The following USF2 variants were observed in gnomAD, a reference collection of about 807,000 sequenced individuals.
The protein encoded by USF2 is upstream transcription factor 2, c-fos interacting.
USF2 carries 16 observed loss-of-function variants against 46.9 expected under a neutral mutation model. That is an observed-to-expected ratio of 0.34 (90% CI 0.23 to 0.52). The LOEUF (loss-of-function observed/expected upper bound fraction) is 0.52. Among genes scored for constraint, USF2 ranks in the 20% least tolerant of loss-of-function variants. The pLI is 0.96. For missense variants in USF2, 411 were observed against 474.0 expected (o/e 0.87, Z 1.23); for synonymous variants, 239 against 194.1 (o/e 1.23, Z -1.92).
chr19:35,270,376 G>C, intron 4 of USF2, 71 bp from the exon 5 acceptor site: 1 of 1,559,868 alleles, frequency 6.4e-7, no homozygotes, highest in Non-Finnish European at 8.7e-7. Flanking sequence ...TAAACCCCAA[G>C]CACAGCAATG....
In USF2 at chr19:35,269,718, G is replaced by A; in HGVS notation, c.228+19G>A. 3 of 1,339,638 alleles carry A rather than the reference G, an allele frequency of 2.2e-6. No individual in the cohort carries two copies. Among genetic ancestry groups the A allele is most frequent in the South Asian group, 1.5e-5 (1 of 64,886 alleles). The allele number at this position is 1,339,638 out of a possible 1,614,324, so 83.0% of individuals were successfully genotyped here. On this transcript the variant is annotated intron_variant, in intron 3 of 9. Transcript: ENST00000222305. ...AGGACAGGTGAGCGGCGGGCCGCGA[G>A]GGCGAACGGGCGGGCGGGCGGGCGC...
rs1176760655 is a variant in USF2, at chr19:35,269,130, C to T, written c.29C>T (p.Pro10Leu). 4.6e-6 allele frequency: 4 copies of T among 869,974 alleles called. No individual in the cohort carries two copies. Among genetic ancestry groups the T allele is most frequent in the Non-Finnish European group, 5.6e-6 (4 of 715,340 alleles). 53.9% of individuals were successfully genotyped at this position (869,974 alleles called of 1,614,324 possible). A position where few individuals can be genotyped will look rare whatever the true frequency, so the allele number is the denominator to read the frequency against. ...GACATGCTGGACCCGGGTCTGGATC[C>T]CGCTGCCTCGGCCACCGCTGCTGCC... MDMLDPGLDPAASATAAAAA... is the reference protein window; with the variant it reads MDMLDPGLDLAASATAAAAA... Residue 10 changes from proline to leucine, a missense_variant, in exon 1 of 10, where the codon CCC (proline) becomes CTC (leucine). This residue lies in a region of USF2 where 318 missense variants were observed against 322.4 expected (regional missense o/e 0.99). Coordinates refer to ENST00000222305, the MANE Select transcript of USF2 (RefSeq NM_003367.4).
rs774830997 is a variant in USF2, at chr19:35,269,871, C to T, written c.297C>T (p.Val99=). The T allele has an allele frequency of 1.4e-6, 2 of 1,421,256 alleles. No homozygotes were observed. Among genetic ancestry groups the T allele is most frequent in the South Asian group, 3.1e-5 (2 of 64,760 alleles). 88.0% of individuals were successfully genotyped at this position (1,421,256 alleles called of 1,614,324 possible). Residue 99 remains valine, a synonymous_variant, in exon 4 of 10, where the codon GTC becomes GTT. Transcript: ENST00000222305. ...LDGQGDTAGA[V]SVVSTAAFAG... ...GCCAGGGCGACACAGCTGGCGCCGT[C>T]AGCGTCGTGTCCACCGCTGCCTTCG...
At position 35,269,566 on chromosome 19, in the gene USF2, C is replaced by T. The variant is rs765684881; in HGVS notation, c.110-15C>T. On this transcript the variant is annotated splice_polypyrimidine_tract_variant and intron_variant, in intron 2 of 9. Transcript: ENST00000222305. ...GGCGCGGCCCTGACCGTGCCCCGAC[C>T]CTCCTCGGCCCCAGGCGGGGACGGC... 6.4e-7 allele frequency: 1 copy of T among 1,572,460 alleles called. No individual in the cohort carries two copies. The highest frequency in any genetic ancestry group is 8.6e-7 in the Non-Finnish European group (1 of 1,160,872).
In USF2 at chr19:35,271,250, A is replaced by G. The variant is rs559326454; in HGVS notation, c.727+109A>G. Reference sequence around the variant, plus strand: ...AGAAGCCACTCCTGGGCAGGCCACAAGTGCTCCAGAGGGCTTTGCTGGACG... The same window carrying G: ...AGAAGCCACTCCTGGGCAGGCCACAGGTGCTCCAGAGGGCTTTGCTGGACG... On this transcript the variant is annotated intron_variant, in intron 7 of 9. Transcript: ENST00000222305. 1.5e-5 allele frequency: 19 copies of G among 1,303,722 alleles called. No homozygotes were observed. The Admixed American group carries it at 3.0e-4, about 21-fold the overall frequency. 80.8% of individuals were successfully genotyped at this position (1,303,722 alleles called of 1,614,324 possible). A position where few individuals can be genotyped will look rare whatever the true frequency, so the allele number is the denominator to read the frequency against.
chr19:35,270,199 C>A, intron 4 of USF2, 196 bp downstream of exon 4: 1 of 883,794 alleles, frequency 1.1e-6, no homozygotes, highest in Non-Finnish European at 1.6e-6. Flanking sequence ...TTTTTTCCCG[C>A]AAAATGGGAA....
In USF2 at chr19:35,269,119, G is replaced by A. The variant is rs1226638440; in HGVS notation, c.18G>A (p.Pro6=). 15 of 432,840 alleles carry A rather than the reference G, an allele frequency of 3.5e-5. No homozygotes were observed. Among genetic ancestry groups the A allele is most frequent in the South Asian group, 6.2e-5 (1 of 16,258 alleles). The allele number at this position is 432,840 out of a possible 1,614,324, so 26.8% of individuals were successfully genotyped here. Residue 6 remains proline (P), a synonymous_variant, in exon 1 of 10, where the codon CCG becomes CCA. Coordinates refer to ENST00000222305, the MANE Select transcript of USF2 (RefSeq NM_003367.4). MDMLD[P]GLDPAASATA... Reference sequence around the variant, plus strand: ...CCCCCCCCATGGACATGCTGGACCCGGGTCTGGATCCCGCTGCCTCGGCCA... The same window carrying A: ...CCCCCCCCATGGACATGCTGGACCCAGGTCTGGATCCCGCTGCCTCGGCCA...
chr19:35,271,279 T>A, intron 7 of USF2, 138 bp downstream of exon 7: 1 of 968,572 alleles, frequency 1.0e-6, no homozygotes, highest in Non-Finnish European at 1.6e-6. Flanking sequence ...CTGGACGCTG[T>A]AAAGGTAGAA....
At chr19:35,272,138 TC>T (rs1267845920) in intron 7 of USF2, among the ~76,000 whole-genome samples, 3 of 152,124 alleles carry the variant, frequency 2.0e-5, no homozygotes, top group Non-Finnish European at 4.4e-5. Context: ...GTTCAGGCGT[TC>T]ATTCAGCGCG....
At chr19:35,279,134 C>G in intron 9 of USF2, 33 bp from the exon 10 acceptor site, 1 of 1,612,108 alleles carries the variant, frequency 6.2e-7, no homozygotes, top group South Asian at 1.1e-5. Context: ...GGCGCTGGCC[C>G]TCAGCTCCCT....
At chr19:35,272,547 G>A (rs1423620843) in intron 7 of USF2, among the ~76,000 whole-genome samples, 4 of 152,276 alleles carry the variant, frequency 2.6e-5, no homozygotes, top group Admixed American at 2.0e-4. Context: ...TTGGCGCAGT[G>A]GAGGGGGCTG....
In USF2 at chr19:35,269,054, C is replaced by G. The variant is rs1377063937; in HGVS notation, c.-48C>G. 2 of 111,666 alleles carry G rather than the reference C, an allele frequency of 1.8e-5. No homozygotes were observed. Among genetic ancestry groups the G allele is most frequent in the African/African-American group, 6.5e-5 (2 of 30,870 alleles). 6.9% of individuals were successfully genotyped at this position (111,666 alleles called of 1,614,324 possible). A position where few individuals can be genotyped will look rare whatever the true frequency, so the allele number is the denominator to read the frequency against. ...CCCCTCCCCTCCCTCCCTCCCCTCC[C>G]CTCCCCTCCCCCCCGGGCCCCGCGC... On this transcript the variant is annotated 5_prime_UTR_variant, in exon 1 of 10. Transcript: ENST00000222305.
In USF2 at chr19:35,279,339, C is replaced by T. The variant is rs1568463322; in HGVS notation, c.*83C>T. 1.5e-6 allele frequency: 2 copies of T among 1,310,918 alleles called. No homozygotes were observed. Among genetic ancestry groups the T allele is most frequent in the East Asian group, 2.9e-5 (1 of 34,992 alleles). 81.2% of individuals were successfully genotyped at this position (1,310,918 alleles called of 1,614,324 possible). On this transcript the variant is annotated 3_prime_UTR_variant, in exon 10 of 10. Coordinates refer to ENST00000222305, the MANE Select transcript of USF2 (RefSeq NM_003367.4). Reference sequence around the variant, plus strand: ...CCAGCCCTTAGCACAGAGAGGGACACATGCCCCTCCCCCAGCTGCGTTTTT... The same window carrying T: ...CCAGCCCTTAGCACAGAGAGGGACATATGCCCCTCCCCCAGCTGCGTTTTT...
Position 35,269,490 on chromosome 19 carries a change from A to G in USF2, c.107A>G (p.Glu36Gly). Reference protein sequence around the residue: ...PEAEEGVELQEGGDGPGAEEQ... With the variant: ...PEAEEGVELQGGGDGPGAEEQ... ...GCGGAGGAGGGCGTCGAGCTGCAGG[A>G]AGGTGAGTGCTTGCCGGGCCGGCCG... Residue 36 changes from glutamate to glycine, a missense_variant and splice_region_variant, in exon 2 of 10, where the codon GAA becomes GGA. By Grantham distance (98) the Glu-to-Gly change is moderately conservative. Around this residue, in one of 2 missense-constraint regions of USF2, gnomAD observed 318 missense variants for 322.4 expected, o/e 0.99. Transcript: ENST00000222305. 6.4e-7 allele frequency: 1 copy of G among 1,553,680 alleles called. No homozygotes were observed. The highest frequency in any genetic ancestry group is 8.6e-7 in the Non-Finnish European group (1 of 1,156,258).
chr19:35,269,528 G>T, intron 2 of USF2, 36 bp downstream of exon 2: 1 of 1,549,940 alleles, frequency 6.5e-7, no homozygotes, highest in Non-Finnish European at 8.7e-7. Flanking sequence ...CCCGGGGAGG[G>T]CTGGGGGCGC....
chr19:35,271,058 C>G (rs1224219903), intron 6 of USF2, 25 bp from the exon 7 acceptor site: 1 of 1,613,596 alleles, frequency 6.2e-7, no homozygotes, highest in African/African-American at 1.3e-5. Context: ...AATACATGCC[C>G]CCTTTTTTTT....
In USF2 at chr19:35,269,593, C is replaced by G; in HGVS notation, c.122C>G (p.Pro41Arg). 1 of 1,592,364 alleles carries G rather than the reference C, an allele frequency of 6.3e-7. No homozygotes were observed. The highest frequency in any genetic ancestry group is 8.5e-7 in the Non-Finnish European group (1 of 1,171,026). The change falls in exon 3 of 10, where the codon CCA becomes CGA. Residue 41 changes from proline to arginine, a missense_variant. Pro to Arg is a moderately radical substitution (Grantham distance 103, BLOSUM62 -2). This residue lies in a region of USF2 where 318 missense variants were observed against 322.4 expected (regional missense o/e 0.99). Transcript: ENST00000222305. ...TCCTCGGCCCCAGGCGGGGACGGCCCAGGAGCGGAGGAGCAGACAGCGGTG... is the reference window on the plus strand; with the variant it reads ...TCCTCGGCCCCAGGCGGGGACGGCCGAGGAGCGGAGGAGCAGACAGCGGTG... ...GVELQEGGDG[P>R]GAEEQTAVAI...
intron 7 of USF2, among the ~76,000 whole-genome samples, chr19:35,276,605 C>T (rs1176483958): frequency 6.6e-6 from 1 of 152,208 alleles, no homozygotes; most frequent in Admixed American, 6.5e-5. Context: ...CCGATCTTTA[C>T]AACCTTTTCC....
Position 35,279,595 on chromosome 19 carries a change from GAGAC to G in USF2, c.*342_*345del. ...CTGCCTCCTGCTCTCTGGAGGTACTGAGACAGGGTGCTGATGGGAAGGAGGGGAG... is the reference window on the plus strand; with the variant it reads ...CTGCCTCCTGCTCTCTGGAGGTACTGAGGGTGCTGATGGGAAGGAGGGGAG... On this transcript the variant is annotated 3_prime_UTR_variant, in exon 10 of 10. Transcript: ENST00000222305. 1 of 289,102 alleles carries G rather than the reference GAGAC, an allele frequency of 3.5e-6. No homozygotes were observed. Among genetic ancestry groups the G allele is most frequent in the Non-Finnish European group, 6.4e-6 (1 of 156,598 alleles). 17.9% of individuals were successfully genotyped at this position (289,102 alleles called of 1,614,324 possible). A position where few individuals can be genotyped will look rare whatever the true frequency, so the allele number is the denominator to read the frequency against.
Sources: gnomAD v4.1 joint callset for allele counts (sites outside exome capture counted in the v4.1 genomes callset) on GRCh38, gnomAD v4.1.1 for gene constraint, gnomAD v4.1.1 regional missense constraint, MANE v1.5 for transcripts, NCBI Gene and HGNC (gene_info 2026-07-23, HGNC 2026-07-21) for gene names.